CNR2: variants seen among roughly 807,000 people sequenced by gnomAD.
The protein encoded by CNR2 is cannabinoid receptor 2, also known as cannabinoid receptor 2 (macrophage).
For synonymous variants in CNR2, 172 were observed against 182.2 expected (o/e 0.94, Z 0.45); for missense variants, 379 against 439.9 (o/e 0.86, Z 1.24).
At chr1:23,884,075 CTTTTTTTGTTTTTGT>C (rs926619267) in intron 1 of CNR2, among the ~76,000 whole-genome samples, 7 of 73,874 alleles carry the variant, frequency 9.5e-5, no homozygotes, top group African/African-American at 3.5e-4. Flanking sequence ...ATCTTTATGT[CTTTTTTTGTTTTTGT>C]TTTTTTTGAG....
chr1:23,877,426 G>C (rs927752597), intron 1 of CNR2, among the ~76,000 whole-genome samples: 1 of 151,924 alleles, frequency 6.6e-6, no homozygotes, highest in Non-Finnish European at 1.5e-5. Context: ...ATGAGGTCAG[G>C]AGATTGAGAC....
intron 1 of CNR2, among the ~76,000 whole-genome samples, chr1:23,877,552 G>A (rs1277152737): frequency 1.3e-5 from 2 of 151,136 alleles, no homozygotes; most frequent in Non-Finnish European, 3.0e-5. Flanking sequence ...GGAGAATGGC[G>A]TGAACCCGGG....
rs1639766773 is a variant in CNR2 at position 23,871,619 on chromosome 1, A to T, written c.*2916T>A. ...CTGGAGCTCATCTTGTTGAGGGAGG[A>T]TAAACTAGTGACTGCCACTCAACAC... On this transcript the variant is annotated 3_prime_UTR_variant, in exon 2 of 2. Coordinates refer to ENST00000374472, the MANE Select transcript of CNR2 (RefSeq NM_001841.3). The T allele has an allele frequency of 6.6e-6, 1 of 152,160 alleles. No individual in the cohort carries two copies. The highest frequency in any genetic ancestry group is 6.6e-5 in the Admixed American group (1 of 15,248). The allele number at this position is 152,160 out of a possible 1,614,324, so 9.4% of individuals were successfully genotyped here.
intron 1 of CNR2, among the ~76,000 whole-genome samples, chr1:23,895,271 T>C (rs1192249300): frequency 1.3e-5 from 2 of 152,120 alleles, no homozygotes; most frequent in African/African-American, 2.4e-5. Context: ...TCTTTCCAAA[T>C]ATCTTCTTCC....
chr1:23,889,084 T>C (rs3003322), intron 1 of CNR2, among the ~76,000 whole-genome samples: 128,671 of 152,060 alleles, frequency 0.85, 54,538 homozygotes, highest in Admixed American at 0.86. Flanking sequence ...GCACTTCACA[T>C]AGGGAGCGTC....
intron 1 of CNR2, among the ~76,000 whole-genome samples, chr1:23,885,914 G>A (rs900725230): frequency 6.7e-6 from 1 of 149,172 alleles, no homozygotes; most frequent in Non-Finnish European, 1.5e-5. Flanking sequence ...GGGTGGCCAG[G>A]CACGGTGGCT....
Position 23,902,717 on chromosome 1 carries a change from G to T in CNR2, c.-46+10529C>A, listed in dbSNP as rs6662949. 2.3e-3 allele frequency: 3,592 copies of T among 1,583,688 alleles called. 33 individuals carry two copies. The African/African-American group carries it at 0.027, about 12-fold the overall frequency. On this transcript the variant is annotated intron_variant, in intron 1 of 1. Coordinates refer to ENST00000374472, the MANE Select transcript of CNR2 (RefSeq NM_001841.3). Reference sequence around the variant, plus strand: ...CGAGCTCGTTGTTGAACATGAGCGCGTTCCTCTCGCGCAGCGTGGGGGACC... The same window carrying T: ...CGAGCTCGTTGTTGAACATGAGCGCTTTCCTCTCGCGCAGCGTGGGGGACC...
rs1363136054 is a variant in CNR2, at chr1:23,875,164, C to T, written c.454G>A (p.Val152Met). ...AGGACCCACATGATGCCCAGGGTCA[C>T]CAGTGCCCTTCCACGGGTGAGCAGA... ...KALLTRGRAL[V>M]TLGIMWVLSA... is the part of the protein sequence containing the mutation. The change falls in exon 2 of 2, where the codon GTG (valine) becomes ATG (methionine). Residue 152 changes from valine to methionine, a missense_variant. Coordinates refer to ENST00000374472, the MANE Select transcript of CNR2 (RefSeq NM_001841.3). The T allele has an allele frequency of 1.1e-5, 17 of 1,613,900 alleles. No homozygotes were observed. Among genetic ancestry groups the T allele is most frequent in the Non-Finnish European group, 1.4e-5 (17 of 1,179,892 alleles).
intron 1 of CNR2, among the ~76,000 whole-genome samples, chr1:23,909,161 C>T (rs956116633): frequency 5.9e-5 from 9 of 152,120 alleles, no homozygotes; most frequent in Admixed American, 5.2e-4. Context: ...GAATCCTTCC[C>T]TCCCTGCTTG....
intron 1 of CNR2, among the ~76,000 whole-genome samples, chr1:23,899,246 A>G (rs990811332): frequency 2.0e-5 from 3 of 152,156 alleles, no homozygotes; most frequent in African/African-American, 4.8e-5. Context: ...TCAGACTCAT[A>G]TATCTGGTGC....
intron 1 of CNR2, among the ~76,000 whole-genome samples, chr1:23,878,429 G>A (rs1639925958): frequency 7.6e-6 from 1 of 132,054 alleles, no homozygotes; most frequent in South Asian, 2.6e-4. Flanking sequence ...GAAATCACAG[G>A]GAACCCAAAG....
At chr1:23,895,766 G>T (rs1557530790) in intron 1 of CNR2, among the ~76,000 whole-genome samples, 2 of 152,114 alleles carry the variant, frequency 1.3e-5, no homozygotes, top group Admixed American at 6.5e-5. Flanking sequence ...GCCTCCCAAA[G>T]TGCTGGGATT....
chr1:23,879,889 C>T (rs1446082423), intron 1 of CNR2, among the ~76,000 whole-genome samples: 2 of 152,008 alleles, frequency 1.3e-5, no homozygotes, highest in African/African-American at 2.4e-5. Context: ...TTTCTCTGTC[C>T]CAAACCCTGC....
rs1199647705 is a variant in CNR2, at chr1:23,905,190, C to CT, written c.-46+8055dup. 8.7e-4 allele frequency among the ~76,000 whole-genome samples: 125 copies of CT among 143,192 alleles called. 1 individual carries two copies. Among genetic ancestry groups the CT allele is most frequent in the East Asian group, 3.8e-3 (19 of 5,010 alleles). 93.9% of individuals were successfully genotyped at this position (143,192 alleles called of 152,430 possible). A position where few individuals can be genotyped will look rare whatever the true frequency, so the allele number is the denominator to read the frequency against. ...ACTTAACTTTTCTTTTCTTTTCTTT[C>CT]TTTTTTTTTTTTTGAGATGAGTCTG... On this transcript the variant is annotated intron_variant, in intron 1 of 1. Coordinates refer to ENST00000374472, the MANE Select transcript of CNR2 (RefSeq NM_001841.3).
chr1:23,910,676 A>G (rs1475422551), intron 1 of CNR2, among the ~76,000 whole-genome samples: 6 of 149,918 alleles, frequency 4.0e-5, no homozygotes, highest in Non-Finnish European at 5.9e-5. Context: ...AAAAAAAAAA[A>G]AAAGAAAGAA....
intron 1 of CNR2, among the ~76,000 whole-genome samples, chr1:23,910,365 C>T (rs1352923756): frequency 4.6e-5 from 7 of 151,672 alleles, no homozygotes; most frequent in South Asian, 2.1e-4. Context: ...TAATGAGGAA[C>T]GGTCACAGAG....
At chr1:23,899,921 GAGAAAGAAAGAGA>G (rs1640364135) in intron 1 of CNR2, among the ~76,000 whole-genome samples, 1 of 105,792 alleles carries the variant, frequency 9.5e-6, no homozygotes, top group African/African-American at 4.2e-5. Context: ...AAGAAAGAAA[GAGAAAGAAAGAGA>G]AAGAAAGGAA....
At chr1:23,880,467 C>T (rs1260663955) in intron 1 of CNR2, among the ~76,000 whole-genome samples, 1 of 152,164 alleles carries the variant, frequency 6.6e-6, no homozygotes, top group East Asian at 1.9e-4. Context: ...AGCCACTGCA[C>T]CTAGCCCAAC....
chr1:23,882,410 A>G (rs1007004254), intron 1 of CNR2, among the ~76,000 whole-genome samples: 1 of 152,178 alleles, frequency 6.6e-6, no homozygotes, highest in African/African-American at 2.4e-5. Flanking sequence ...AAATTCATAA[A>G]GGCGATTAGA....
Sources: allele counts gnomAD v4.1 joint callset (sites outside exome capture counted in the v4.1 genomes callset), GRCh38; gene constraint gnomAD v4.1.1; transcripts MANE v1.5; gene names NCBI Gene and HGNC (gene_info 2026-07-23, HGNC 2026-07-21).